Variants in CENATAC observed in about 807,000 individuals in gnomAD.
CENATAC encodes the protein coiled-coil domain containing 84.
CENATAC carries 53 observed loss-of-function variants against 53.7 expected under a neutral mutation model. The ratio of observed to expected loss-of-function variants is 0.99; its 90% confidence interval spans 0.79 to 1.24. The LOEUF is 1.24. CENATAC is among the 50% of genes most tolerant of loss of function. CENATAC has a pLI of 0.00. For missense variants in CENATAC, 474 were observed against 417.8 expected, an observed-to-expected ratio of 1.13 and a Z score of -1.17; for synonymous variants, 156 against 144.6, an observed-to-expected ratio of 1.08 and a Z score of -0.57.
chr11:119,007,606 C>T (rs1384595573), intron 3 of CENATAC, among the ~76,000 whole-genome samples: 4 of 152,136 alleles, frequency 2.6e-5, no homozygotes, highest in African/African-American at 9.7e-5. Context: ...CCTCCCACCC[C>T]AGCCTTCCAA....
chr11:119,015,282 T>A, intron 9 of CENATAC, 25 bp from the exon 10 acceptor site: 1 of 1,583,960 alleles, frequency 6.3e-7, no homozygotes, highest in East Asian at 2.2e-5. Context: ...TAAAGAAAAA[T>A]AAAAGTTTCC....
chr11:119,013,570 TCTC>T (rs1942982956), intron 8 of CENATAC, among the ~76,000 whole-genome samples: 1 of 151,008 alleles, frequency 6.6e-6, no homozygotes, highest in Non-Finnish European at 1.5e-5. Flanking sequence ...TTCACGCCAT[TCTC>T]CTGCCTCAGC....
chr11:119,011,380 C>CT (rs373262037), intron 5 of CENATAC, 97 bp downstream of exon 5: 32,253 of 900,446 alleles, frequency 0.036, 3 homozygotes, highest in South Asian at 0.046. Context: ...TCTTCTTCTT[C>CT]TTTTTTTTTT....
chr11:118,998,370 G>A (rs1417772049), intron 1 of CENATAC, 53 bp downstream of exon 1: 3 of 1,611,696 alleles, frequency 1.9e-6, no homozygotes, highest in African/African-American at 1.3e-5. Context: ...GTCAGTGAAG[G>A]CCAGAGCGGG....
rs782421169 is a variant in CENATAC at position 119,015,002 on chromosome 11, C to A, written c.724C>A (p.Pro242Thr). 2 of 1,575,194 alleles carry A rather than the reference C, an allele frequency of 1.3e-6. No homozygotes were observed. Among genetic ancestry groups the A allele is most frequent in the Non-Finnish European group, 1.7e-6 (2 of 1,165,598 alleles). ...CTTAATTTTTTTTTCAGGTGCCACACCTCCCTGGATGATCCAAGATGAAGA... is the reference window on the plus strand; with the variant it reads ...CTTAATTTTTTTTTCAGGTGCCACAACTCCCTGGATGATCCAAGATGAAGA... Reference protein sequence around the residue: ...GVGNIHSGATPPWMIQDEEYI... With the variant: ...GVGNIHSGATTPWMIQDEEYI... Residue 242 changes from proline (P) to threonine (T), a missense_variant, in exon 9 of 11, where the codon CCT becomes ACT. Physicochemically the swap from Pro to Thr is conservative, Grantham distance 38. Coordinates refer to ENST00000334418, the MANE Select transcript of CENATAC (RefSeq NM_198489.3).
At chr11:119,012,340 C>A (rs555725794) in intron 7 of CENATAC, 86 bp downstream of exon 7, 7 of 1,440,980 alleles carry the variant, frequency 4.9e-6, no homozygotes, top group Non-Finnish European at 6.6e-6. Flanking sequence ...CTATTCAAGC[C>A]ACTGCTGCCT....
intron 8 of CENATAC, 68 bp downstream of exon 8, chr11:119,013,330 T>C: frequency 7.9e-7 from 1 of 1,266,658 alleles, no homozygotes; most frequent in East Asian, 2.4e-5. Context: ...GGAGTCTTGT[T>C]CTGTCGCCAG....
intron 8 of CENATAC, 36 bp from the exon 9 acceptor site, chr11:119,014,958 T>TAGAA (rs1943080948): frequency 9.5e-7 from 1 of 1,051,514 alleles, no homozygotes; most frequent in East Asian, 2.8e-5. Context: ...CCTGAAGACT[T>TAGAA]AAAAAAAAAA....
intron 4 of CENATAC, 72 bp downstream of exon 4, chr11:119,010,902 G>C: frequency 3.0e-6 from 4 of 1,319,102 alleles, no homozygotes; most frequent in Non-Finnish European, 3.3e-6. Context: ...TTTTTCCACA[G>C]ATGGACCCAG....
chr11:119,005,503 A>G (rs76253444), intron 3 of CENATAC, among the ~76,000 whole-genome samples: 19,654 of 150,678 alleles, frequency 0.13, 1,484 homozygotes, highest in Middle Eastern at 0.23. Flanking sequence ...ACAATTCCAC[A>G]TTGTCATTTT....
chr11:119,003,510 C>A, intron 3 of CENATAC: 1 of 395,936 alleles, frequency 2.5e-6, no homozygotes, highest in Admixed American at 3.1e-5. Context: ...GTTGGCCAAA[C>A]TGGTCTCGAA....
chr11:119,005,262 C>T (rs950945297), intron 3 of CENATAC, among the ~76,000 whole-genome samples: 2 of 151,970 alleles, frequency 1.3e-5, no homozygotes, highest in African/African-American at 4.8e-5. Context: ...GTCAGGAGAT[C>T]GAGACCATCC....
chr11:119,013,518 C>T (rs578035896), intron 8 of CENATAC, among the ~76,000 whole-genome samples: 173 of 148,372 alleles, frequency 1.2e-3, no homozygotes, highest in African/African-American at 4.2e-3. Flanking sequence ...GGCTGGAGTG[C>T]AGTGGCGGGA....
Position 118,998,249 on chromosome 11 carries a change from C to T in CENATAC, c.52C>T (p.Arg18Cys), listed in dbSNP as rs782106623. ...PLCRQTFFCG[R>C]GHVYSRKHQR... ...GTGCCGCCAGACCTTCTTCTGTGGT[C>T]GCGGGCACGTTTACAGCCGCAAGCA... The change falls in exon 1 of 11, where the codon CGC (arginine) becomes TGC (cysteine). Residue 18 changes from arginine to cysteine, a missense_variant. Physicochemically the swap from Arg to Cys is radical, Grantham distance 180. Transcript: ENST00000334418. The T allele has an allele frequency of 8.2e-6, 13 of 1,588,028 alleles. No homozygotes were observed. The highest frequency in any genetic ancestry group is 1.1e-5 in the Non-Finnish European group (13 of 1,167,278).
Position 119,002,935 on chromosome 11 carries a change from G to A in CENATAC, c.383+3826G>A, listed in dbSNP as rs548298878. The A allele has an allele frequency of 4.0e-5, 16 of 395,232 alleles. No homozygotes were observed. In the East Asian group the frequency reaches 6.0e-4, roughly 15 times the overall value. 24.5% of individuals were successfully genotyped at this position (395,232 alleles called of 1,614,324 possible). ...TGAGTAGCTGGTATTACAGGCATGC[G>A]CCACCATGCCTTGATAATTTTTTTT... On this transcript the variant is annotated intron_variant, in intron 3 of 10. Coordinates refer to ENST00000334418, the MANE Select transcript of CENATAC (RefSeq NM_198489.3).
chr11:119,003,569 A>G (rs939747041), intron 3 of CENATAC: 2 of 282,670 alleles, frequency 7.1e-6, no homozygotes, highest in African/African-American at 4.6e-5. Flanking sequence ...AAGTGCTGGG[A>G]TTACAGGCGT....
intron 8 of CENATAC, 112 bp from the exon 9 acceptor site, chr11:119,014,882 C>G (rs1231304910): frequency 1.4e-6 from 1 of 691,256 alleles, no homozygotes. Context: ...CTGGGCTTTG[C>G]TTTTAGACAT....
Position 118,999,149 on chromosome 11 carries a change from T to C in CENATAC, c.383+40T>C, listed in dbSNP as rs782197824. 20 of 1,458,624 alleles carry C rather than the reference T, an allele frequency of 1.4e-5. No individual in the cohort carries two copies. In the East Asian group the frequency reaches 4.5e-4, roughly 33 times the overall value. 90.4% of individuals were successfully genotyped at this position (1,458,624 alleles called of 1,614,324 possible). ...TGGAACGTGAAGTAGCAGAGTGAATTCTCTGGATCTTTGTCAGGTATGGGA... is the reference window on the plus strand; with the variant it reads ...TGGAACGTGAAGTAGCAGAGTGAATCCTCTGGATCTTTGTCAGGTATGGGA... On this transcript the variant is annotated intron_variant, in intron 3 of 10. Transcript: ENST00000334418.
chr11:118,999,074 A>G lies in CENATAC; in HGVS notation c.348A>G (p.Lys116=). ...AGAACAAAGCTGAGGTCCAGATGAA[A>G]GAGAAGTTTCTGGTCACTCCCCAGG... ...WWENKAEVQM[K]EKFLVTPQDY... Residue 116 remains lysine, a synonymous_variant, in exon 3 of 11, where the codon AAA becomes AAG. Coordinates refer to ENST00000334418, the MANE Select transcript of CENATAC (RefSeq NM_198489.3). 6.2e-7 allele frequency: 1 copy of G among 1,614,170 alleles called. No homozygotes were observed. Among genetic ancestry groups the G allele is most frequent in the African/African-American group, 1.3e-5 (1 of 75,072 alleles).
Sources: gnomAD v4.1 joint callset for allele counts (sites outside exome capture counted in the v4.1 genomes callset) on GRCh38, gnomAD v4.1.1 for gene constraint, MANE v1.5 for transcripts, NCBI Gene and HGNC (gene_info 2026-07-23, HGNC 2026-07-21) for gene names.